The following RARB variants were observed in gnomAD, a reference collection of about 807,000 sequenced individuals.
RARB encodes HBV-activated protein.
RARB carries 17 observed loss-of-function variants against 51.9 expected under a neutral mutation model. The ratio of observed to expected loss-of-function variants is 0.33; its 90% CI spans 0.22 to 0.49. RARB has a LOEUF of 0.49. Among genes scored for constraint, RARB ranks in the 20% least tolerant of loss-of-function variants. The pLI is 0.99. For missense variants in RARB, 369 were observed against 550.8 expected (o/e 0.67, Z 3.30); for synonymous variants, 215 against 195.4 (o/e 1.10, Z -0.84).
At chr3:24,958,238 C>CA (rs1169048371) in intron 2 of RARB, among the ~76,000 whole-genome samples, 50 of 126,090 alleles carry the variant, frequency 4.0e-4, no homozygotes, top group African/African-American at 1.4e-3. Flanking sequence ...AGACCTGAAG[C>CA]TTCCTGAGCT....
At chr3:24,971,080 T>C (rs2125417660) in intron 2 of RARB, among the ~76,000 whole-genome samples, 1 of 152,070 alleles carries the variant, frequency 6.6e-6, no homozygotes, top group African/African-American at 2.4e-5. Context: ...GGATATCACT[T>C]TAAATATGGC....
intron 5 of RARB, among the ~76,000 whole-genome samples, chr3:25,276,155 A>T (rs13090773): frequency 4.6e-5 from 7 of 152,004 alleles, no homozygotes; most frequent in Non-Finnish European, 8.8e-5. Context: ...ATATGTGTGA[A>T]TCATAAAAAA....
intron 5 of RARB, among the ~76,000 whole-genome samples, chr3:25,339,021 A>G (rs1011481707): frequency 2.6e-5 from 4 of 152,234 alleles, no homozygotes; most frequent in African/African-American, 9.6e-5. Flanking sequence ...TGAGACTGTA[A>G]TAGCAATAAA....
intron 5 of RARB, chr3:25,259,841 C>A: frequency 1.1e-6 from 1 of 900,442 alleles, no homozygotes; most frequent in Non-Finnish European, 1.3e-6. Context: ...CTCTTGGTAT[C>A]TGTCATTGCT....
intron 4 of RARB, among the ~76,000 whole-genome samples, chr3:25,137,833 C>A (rs550063433): frequency 2.0e-5 from 3 of 152,162 alleles, no homozygotes; most frequent in African/African-American, 7.2e-5. Context: ...TCCTTTCGGC[C>A]CACAGCCATG....
rs141668749 is a variant in RARB at position 25,219,122 on chromosome 3, A to G, written c.178+44547A>G. 1.4e-3 allele frequency among the ~76,000 whole-genome samples: 207 copies of G among 152,332 alleles called. 1 individual carries two copies. The Middle Eastern group carries it at 0.014, about 10-fold the overall frequency. The stretch of plus-strand genomic sequence containing the variant: ...TGTGCCCTCATTCATGGGGAACCAA[A>G]GACCCTTAAACTGCTTATAGTCAAG... On this transcript the variant is annotated intron_variant, in intron 5 of 11. Transcript: ENST00000383772.
At chr3:24,940,030 A>G (rs901304656) in intron 2 of RARB, among the ~76,000 whole-genome samples, 1 of 152,228 alleles carries the variant, frequency 6.6e-6, no homozygotes. Context: ...CTTTAATGTT[A>G]TTATGTAAAT....
At chr3:25,561,807 T>A (rs1700280422) in intron 3 of RARB, among the ~76,000 whole-genome samples, 1 of 152,172 alleles carries the variant, frequency 6.6e-6, no homozygotes, top group South Asian at 2.1e-4. Flanking sequence ...ATAGAGACTG[T>A]TATTTAATAT....
intron 5 of RARB, among the ~76,000 whole-genome samples, chr3:25,247,689 C>T (rs935694992): frequency 6.6e-6 from 1 of 152,204 alleles, no homozygotes; most frequent in Admixed American, 6.5e-5. Context: ...AACCAGGTAC[C>T]TCAGTTGGAA....
At chr3:25,505,368 C>T (rs1223255712) in intron 3 of RARB, among the ~76,000 whole-genome samples, 1 of 152,126 alleles carries the variant, frequency 6.6e-6, no homozygotes, top group Admixed American at 6.6e-5. Context: ...ATTTTATTGC[C>T]AGTGGTTAAT....
At chr3:25,527,478 C>T (rs1281340010) in intron 3 of RARB, among the ~76,000 whole-genome samples, 1 of 152,164 alleles carries the variant, frequency 6.6e-6, no homozygotes, top group Admixed American at 6.5e-5. Context: ...AAAAGCTGTG[C>T]TTTGAAATTA....
intron 2 of RARB, among the ~76,000 whole-genome samples, chr3:25,044,430 T>G (rs1220305915): frequency 6.6e-6 from 1 of 152,108 alleles, no homozygotes; most frequent in East Asian, 1.9e-4. Context: ...GTTAAATTGT[T>G]GAGAGGAAGA....
At chr3:24,924,940 C>A (rs142753543) in intron 2 of RARB, among the ~76,000 whole-genome samples, 2 of 152,064 alleles carry the variant, frequency 1.3e-5, no homozygotes, top group Non-Finnish European at 1.5e-5. Context: ...ATGGTGAATA[C>A]GTGGTAGTCA....
At chr3:25,364,767 A>T (rs145933640) in intron 5 of RARB, among the ~76,000 whole-genome samples, 1 of 152,214 alleles carries the variant, frequency 6.6e-6, no homozygotes, top group Non-Finnish European at 1.5e-5. Flanking sequence ...CAGCAATTCA[A>T]TATATAACTT....
At chr3:24,861,842 G>A (rs1485328264) in intron 2 of RARB, among the ~76,000 whole-genome samples, 1 of 152,194 alleles carries the variant, frequency 6.6e-6, no homozygotes, top group Admixed American at 6.5e-5. Flanking sequence ...TAGCAAAGTA[G>A]CTTTGACTTG....
chr3:24,862,591 T>C (rs923115212), intron 2 of RARB, among the ~76,000 whole-genome samples: 4 of 152,194 alleles, frequency 2.6e-5, no homozygotes, highest in Admixed American at 2.6e-4. Context: ...GTCTAGCGTA[T>C]CCATGCTGTA....
chr3:25,095,886 T>C (rs947692985), intron 3 of RARB, among the ~76,000 whole-genome samples: 38 of 152,164 alleles, frequency 2.5e-4, no homozygotes, highest in African/African-American at 8.7e-4. Flanking sequence ...TTTTGTTTTC[T>C]CCTGAAAATC....
In RARB at chr3:25,524,420, A is replaced by G. The variant is rs369847036; in HGVS notation, c.448+23097A>G. Among the ~76,000 whole-genome samples, 6 of 152,228 alleles carry G rather than the reference A, an allele frequency of 3.9e-5. No homozygotes were observed. In the East Asian group the frequency reaches 1.2e-3, roughly 29 times the overall value. Reference sequence around the variant, plus strand: ...ATAATTTAATCAGAACCTTTCTCCAACAGACATTAGGGTTAGATTTGCAAA... The same window carrying G: ...ATAATTTAATCAGAACCTTTCTCCAGCAGACATTAGGGTTAGATTTGCAAA... On this transcript the variant is annotated intron_variant, in intron 3 of 7. Coordinates refer to ENST00000330688, the MANE Select transcript of RARB (RefSeq NM_000965.5).
chr3:25,348,031 T>A (rs1705447527), intron 5 of RARB, among the ~76,000 whole-genome samples: 1 of 152,164 alleles, frequency 6.6e-6, no homozygotes, highest in African/African-American at 2.4e-5. Flanking sequence ...TTAATGCACA[T>A]TTTTCACCTG....
Sources: gnomAD v4.1 joint callset for allele counts (sites outside exome capture counted in the v4.1 genomes callset) on GRCh38, gnomAD v4.1.1 for gene constraint, MANE v1.5 for transcripts, NCBI Gene and HGNC (gene_info 2026-07-23, HGNC 2026-07-21) for gene names.